RCOR1: variants seen among roughly 807,000 people sequenced by gnomAD.
The protein encoded by RCOR1 is REST corepressor 1, also known as REST corepressor.
In RCOR1, 12 loss-of-function variants were observed where a neutral mutation model predicts 64.0. That is an observed-to-expected ratio of 0.19 (90% confidence interval 0.12 to 0.30). The LOEUF is 0.30. Ranked by LOEUF, RCOR1 falls within the 10% of genes least tolerant of loss-of-function variation. RCOR1 has a pLI of 1.00. For missense variants in RCOR1, 502 were observed against 621.2 expected (o/e 0.81, Z 2.04); for synonymous variants, 279 against 227.2 (o/e 1.23, Z -2.05).
chr14:102,619,572 C>G (rs1256799414), intron 2 of RCOR1, among the ~76,000 whole-genome samples: 5 of 151,818 alleles, frequency 3.3e-5, no homozygotes, highest in Non-Finnish European at 2.9e-5. Context: ...CCTCTGCCTC[C>G]CGGGTTCAAG....
intron 2 of RCOR1, among the ~76,000 whole-genome samples, chr14:102,638,592 G>A (rs758476725): frequency 1.7e-3 from 250 of 150,934 alleles, no homozygotes; most frequent in Middle Eastern, 7.3e-3. Context: ...GTGAGCTACT[G>A]GCCTTGGTCT....
intron 2 of RCOR1, chr14:102,655,110 C>CTTTTT (rs67404203): frequency 1.9e-5 from 2 of 104,530 alleles, no homozygotes; most frequent in Non-Finnish European, 3.3e-5. Flanking sequence ...CGCGGACAAC[C>CTTTTT]TTTTTTTTTT....
At chr14:102,687,991 A>C (rs1895456380) in intron 3 of RCOR1, among the ~76,000 whole-genome samples, 1 of 143,592 alleles carries the variant, frequency 7.0e-6, no homozygotes, top group Non-Finnish European at 1.5e-5. Context: ...TTTGAGATAG[A>C]GGTCTCGCTC....
chr14:102,654,712 A>T (rs1241724684), intron 2 of RCOR1, among the ~76,000 whole-genome samples: 1 of 152,060 alleles, frequency 6.6e-6, no homozygotes, highest in East Asian at 1.9e-4. Flanking sequence ...CAAGAAAATA[A>T]AGAAAAAAAT....
chr14:102,722,573 G>T (rs1896187036), intron 11 of RCOR1, among the ~76,000 whole-genome samples, 157 bp downstream of exon 11: 1 of 152,136 alleles, frequency 6.6e-6, no homozygotes, highest in African/African-American at 2.4e-5. Context: ...TGTATGCATT[G>T]ACTCCAGTTC....
intron 2 of RCOR1, among the ~76,000 whole-genome samples, chr14:102,677,349 C>G (rs1207553909): frequency 1.4e-4 from 20 of 140,706 alleles, no homozygotes; most frequent in Non-Finnish European, 2.8e-4. Flanking sequence ...ACCCCCCCCC[C>G]ACCTCCCTCC....
chr14:102,648,067 C>G (rs1051715262), intron 2 of RCOR1, among the ~76,000 whole-genome samples: 5 of 152,162 alleles, frequency 3.3e-5, no homozygotes, highest in South Asian at 2.1e-4. Flanking sequence ...TGACAAATAT[C>G]TATAATCCTT....
intron 2 of RCOR1, among the ~76,000 whole-genome samples, chr14:102,610,905 G>A (rs4906236): frequency 0.7 from 105,958 of 151,856 alleles, 37,073 homozygotes; most frequent in South Asian, 0.73. Flanking sequence ...TGCCTCTTTT[G>A]TCAAGTGCAT....
intron 2 of RCOR1, among the ~76,000 whole-genome samples, chr14:102,614,691 C>T (rs1405456733): frequency 7.2e-5 from 11 of 151,964 alleles, no homozygotes; most frequent in African/African-American, 2.7e-4. Context: ...CTTAGTGGAG[C>T]TGAGAGGTTG....
intron 3 of RCOR1, among the ~76,000 whole-genome samples, chr14:102,692,969 T>C (rs1258519894): frequency 6.6e-6 from 1 of 152,060 alleles, no homozygotes; most frequent in African/African-American, 2.4e-5. Flanking sequence ...TTTCACCATG[T>C]TGGCCAGGCT....
At chr14:102,686,201 A>T (rs758121147) in intron 3 of RCOR1, among the ~76,000 whole-genome samples, 1 of 152,212 alleles carries the variant, frequency 6.6e-6, no homozygotes, top group African/African-American at 2.4e-5. Context: ...CCTGGGCTCA[A>T]GCTGTCATTT....
At chr14:102,695,491 C>G (rs76898889) in intron 3 of RCOR1, 1 of 152,002 alleles carries the variant, frequency 6.6e-6, no homozygotes, top group Non-Finnish European at 1.5e-5. Context: ...CCCAGCTGGT[C>G]TTTTTTAAAA....
At chr14:102,635,548 A>G (rs1191761537) in intron 2 of RCOR1, among the ~76,000 whole-genome samples, 1 of 152,222 alleles carries the variant, frequency 6.6e-6, no homozygotes, top group African/African-American at 2.4e-5. Flanking sequence ...ATATGTATAT[A>G]CATATACAGA....
chr14:102,683,966 C>G (rs940453762), intron 3 of RCOR1, among the ~76,000 whole-genome samples: 4 of 152,192 alleles, frequency 2.6e-5, no homozygotes, highest in Admixed American at 2.0e-4. Context: ...CTGGGTGCGC[C>G]GTGACCTGGG....
intron 2 of RCOR1, among the ~76,000 whole-genome samples, chr14:102,597,176 A>G (rs957021858): frequency 6.6e-6 from 1 of 151,356 alleles, no homozygotes; most frequent in South Asian, 2.1e-4. Flanking sequence ...CCCTGTCCCT[A>G]CCTCAGTTTT....
At chr14:102,692,023 C>A (rs941455464) in intron 3 of RCOR1, among the ~76,000 whole-genome samples, 2 of 152,212 alleles carry the variant, frequency 1.3e-5, no homozygotes, top group African/African-American at 4.8e-5. Context: ...ATTTGCTCCA[C>A]ATCCTCTCCA....
At chr14:102,595,724 C>G (rs1324929439) in intron 2 of RCOR1, among the ~76,000 whole-genome samples, 1 of 151,870 alleles carries the variant, frequency 6.6e-6, no homozygotes, top group South Asian at 2.1e-4. Context: ...GGACTACAGG[C>G]GCCCACCAAC....
In RCOR1 at chr14:102,592,767, G is replaced by C; in HGVS notation, c.-120G>C. 8.3e-7 allele frequency: 1 copy of C among 1,206,828 alleles called. No individual in the cohort carries two copies. The highest frequency in any genetic ancestry group is 1.0e-6 in the Non-Finnish European group (1 of 972,332). 74.8% of individuals were successfully genotyped at this position (1,206,828 alleles called of 1,614,324 possible). ...CCTCCCCCGACTCGGACTCGCGCCC[G>C]TGGGCTCCCGCCGCGCCCGCCCGGC... is the stretch of plus-strand genomic sequence containing the variant. On this transcript the variant is annotated 5_prime_UTR_variant, in exon 1 of 12. Coordinates refer to ENST00000262241, the MANE Select transcript of RCOR1 (RefSeq NM_015156.4).
At chr14:102,602,446 A>G (rs998910024) in intron 2 of RCOR1, among the ~76,000 whole-genome samples, 55 of 127,388 alleles carry the variant, frequency 4.3e-4, no homozygotes, top group Non-Finnish European at 1.1e-4. Context: ...TTTGTTCCCC[A>G]GGCTAGAAAT....
Sources: allele counts gnomAD v4.1 joint callset (sites outside exome capture counted in the v4.1 genomes callset), GRCh38; gene constraint gnomAD v4.1.1; transcripts MANE v1.5; gene names NCBI Gene and HGNC (gene_info 2026-07-23, HGNC 2026-07-21).